LATS2: variants seen among roughly 807,000 people sequenced by gnomAD.
LATS2 encodes the protein serine/threonine-protein kinase LATS2.
A neutral mutation model predicts 76.0 loss-of-function variants in LATS2; 24 were observed. The observed-to-expected ratio is 0.32, with a 90% CI of 0.23 to 0.44. The LOEUF is 0.44. LATS2 is among the 20% of genes least tolerant of loss of function. LATS2 has a pLI of 1.00. For missense variants in LATS2, 1,286 were observed against 1,481.2 expected (o/e 0.87, Z 2.16); for synonymous variants, 692 against 635.4 (o/e 1.09, Z -1.34).
intron 2 of LATS2, among the ~76,000 whole-genome samples, chr13:21,012,393 C>T (rs947388012): frequency 1.3e-5 from 2 of 152,038 alleles, no homozygotes; most frequent in East Asian, 1.9e-4. Flanking sequence ...ACCACACATG[C>T]GTAAGTAAGA....
In LATS2 at chr13:20,973,095, A is replaced by G. The variant is rs1869412359; in HGVS notation, c.*1775T>C. The G allele has an allele frequency of 4.4e-6, 1 of 229,072 alleles. No homozygotes were observed. The highest frequency in any genetic ancestry group is 5.7e-5 in the Admixed American group (1 of 17,620). 14.2% of individuals were successfully genotyped at this position (229,072 alleles called of 1,614,324 possible). ...GTAGAAGCTTTTCAAAGGTAATGAT[A>G]TATCAATAAATAATAGTTAAACTGA... On this transcript the variant is annotated 3_prime_UTR_variant, in exon 8 of 8. Transcript: ENST00000382592.
chr13:21,047,050 G>A (rs1209508011), intron 1 of LATS2, among the ~76,000 whole-genome samples: 1 of 152,158 alleles, frequency 6.6e-6, no homozygotes, highest in Non-Finnish European at 1.5e-5. Flanking sequence ...TACAACTGCA[G>A]CATGGAAATG....
intron 2 of LATS2, among the ~76,000 whole-genome samples, chr13:21,004,906 A>G (rs1871205837): frequency 6.6e-6 from 1 of 152,176 alleles, no homozygotes; most frequent in African/African-American, 2.4e-5. Context: ...CCACAGGGGG[A>G]GTCATCATGT....
Position 21,039,257 on chromosome 13 carries a change from C to G in LATS2, c.342+6428G>C, listed in dbSNP as rs188957404. The stretch of plus-strand genomic sequence containing the variant: ...TAAGTGTTTCTTTCTTCCTTCTCCT[C>G]TTATTAATATTTCAGCACGCGTGTT... On this transcript the variant is annotated intron_variant, in intron 2 of 7. Transcript: ENST00000382592. Among the ~76,000 whole-genome samples the G allele has an allele frequency of 1.3e-3, 202 of 152,290 alleles. 2 individuals are homozygous for G. Among genetic ancestry groups the G allele is most frequent in the Middle Eastern group, 0.01 (3 of 294 alleles).
chr13:21,053,716 A>G (rs7999825), intron 1 of LATS2, among the ~76,000 whole-genome samples: 121,795 of 152,122 alleles, frequency 0.8, 49,454 homozygotes, highest in South Asian at 0.91. Context: ...AAAGTCGCAG[A>G]ACTATGGCAT....
chr13:21,060,911 C>T (rs962361047), intron 1 of LATS2, among the ~76,000 whole-genome samples: 1 of 151,270 alleles, frequency 6.6e-6, no homozygotes, highest in Non-Finnish European at 1.5e-5. Flanking sequence ...AAAAGCCGAT[C>T]CCCCGGAGAC....
At chr13:20,998,810 G>A (rs1301968466) in intron 2 of LATS2, among the ~76,000 whole-genome samples, 2 of 152,102 alleles carry the variant, frequency 1.3e-5, no homozygotes, top group Admixed American at 1.3e-4. Context: ...TTGTCCACAC[G>A]GGGCGGGGGC....
intron 2 of LATS2, among the ~76,000 whole-genome samples, chr13:21,013,675 TAA>T (rs1026392530): frequency 9.1e-4 from 138 of 152,136 alleles, no homozygotes; most frequent in Admixed American, 2.9e-3. Context: ...CACTTAAAAA[TAA>T]AATAAGGGCC....
intron 1 of LATS2, among the ~76,000 whole-genome samples, chr13:21,060,919 G>A (rs1203945090): frequency 2.6e-5 from 4 of 151,518 alleles, no homozygotes; most frequent in Admixed American, 1.3e-4. Flanking sequence ...ATCCCCCGGA[G>A]ACAGCGGAAG....
At chr13:21,054,996 G>A (rs1408373211) in intron 1 of LATS2, among the ~76,000 whole-genome samples, 1 of 152,182 alleles carries the variant, frequency 6.6e-6, no homozygotes, top group Non-Finnish European at 1.5e-5. Flanking sequence ...TGAAAAAATA[G>A]TACCTACGGA....
rs188833050 is a variant in LATS2 at position 21,000,589 on chromosome 13, G to A, written c.343-9185C>T. Among the ~76,000 whole-genome samples, 12 of 152,212 alleles carry A rather than the reference G, an allele frequency of 7.9e-5. No homozygotes were observed. The East Asian group carries it at 1.5e-3, about 20-fold the overall frequency. The stretch of plus-strand genomic sequence containing the variant: ...CTGATTTCCATAATGATGTCTGTCA[G>A]ATTTAGGTATAATATATCAGCCCCT... On this transcript the variant is annotated intron_variant, in intron 2 of 7. Transcript: ENST00000382592.
At chr13:21,001,973 G>A (rs1250562921) in intron 2 of LATS2, among the ~76,000 whole-genome samples, 3 of 151,658 alleles carry the variant, frequency 2.0e-5, no homozygotes, top group South Asian at 4.2e-4. Context: ...GAGTGCAGTG[G>A]CACTATCTCG....
At chr13:21,056,644 C>T (rs1873458258) in intron 1 of LATS2, among the ~76,000 whole-genome samples, 1 of 152,144 alleles carries the variant, frequency 6.6e-6, no homozygotes, top group African/African-American at 2.4e-5. Context: ...CCTCTGCACC[C>T]CTCCAAGTTT....
intron 2 of LATS2, among the ~76,000 whole-genome samples, chr13:21,023,534 C>G (rs531188279): frequency 2.6e-5 from 4 of 151,108 alleles, no homozygotes; most frequent in Admixed American, 6.6e-5. Flanking sequence ...TCCACGCTGC[C>G]GGAGAGCCCA....
intron 7 of LATS2, among the ~76,000 whole-genome samples, chr13:20,979,316 G>A (rs1397841822): frequency 1.3e-5 from 2 of 152,172 alleles, no homozygotes; most frequent in South Asian, 4.2e-4. Flanking sequence ...CATTGCTGAG[G>A]GGTGAACTAT....
At chr13:20,992,243 G>A (rs1172013092) in intron 2 of LATS2, among the ~76,000 whole-genome samples, 2 of 152,186 alleles carry the variant, frequency 1.3e-5, no homozygotes, top group Admixed American at 6.5e-5. Context: ...GCAGCAGCAC[G>A]CAAGGGTAGG....
intron 2 of LATS2, among the ~76,000 whole-genome samples, chr13:21,031,349 A>G (rs183842644): frequency 4.1e-4 from 63 of 151,892 alleles, no homozygotes; most frequent in African/African-American, 1.5e-3. Flanking sequence ...ACCTCATATC[A>G]TCCCACAAGT....
intron 1 of LATS2, among the ~76,000 whole-genome samples, chr13:21,055,318 G>A (rs1221354622): frequency 6.6e-6 from 1 of 152,088 alleles, no homozygotes; most frequent in African/African-American, 2.4e-5. Flanking sequence ...TAAAAAAAAT[G>A]GGGATATCAA....
chr13:21,007,233 G>A (rs1871293882), intron 2 of LATS2, among the ~76,000 whole-genome samples: 1 of 151,652 alleles, frequency 6.6e-6, no homozygotes, highest in African/African-American at 2.4e-5. Flanking sequence ...TCTGTAACAA[G>A]TTTCCATTTT....
Sources: gnomAD v4.1 joint callset for allele counts (sites outside exome capture counted in the v4.1 genomes callset) on GRCh38, gnomAD v4.1.1 for gene constraint, MANE v1.5 for transcripts, NCBI Gene and HGNC (gene_info 2026-07-23, HGNC 2026-07-21) for gene names.